NCOA4: variants seen among roughly 807,000 people sequenced by gnomAD.
The protein encoded by NCOA4 is nuclear receptor coactivator 4.
In NCOA4, 31 loss-of-function variants were observed where a neutral mutation model predicts 69.5. The observed-to-expected ratio is 0.45, with a 90% CI of 0.34 to 0.60. The LOEUF (loss-of-function observed/expected upper bound fraction) is 0.60, where lower values mean the gene tolerates loss of function less well. Among genes scored for constraint, NCOA4 ranks in the 20% least tolerant of loss-of-function variants. The pLI is 0.02. For synonymous variants in NCOA4, 228 were observed against 252.4 expected (o/e 0.90, Z 0.92); for missense variants, 600 against 719.2 (o/e 0.83, Z 1.90).
intron 1 of NCOA4, among the ~76,000 whole-genome samples, chr10:46,020,434 G>GT (rs1253663665): frequency 6.6e-6 from 1 of 152,188 alleles, no homozygotes; most frequent in Admixed American, 6.5e-5. Context: ...CCTGCACACC[G>GT]TAAGCCCTCC....
At position 46,006,340 on chromosome 10, in the gene NCOA4, TG is replaced by T. The variant is rs1279965062; in HGVS notation, c.*251del. 1.5e-5 allele frequency: 8 copies of T among 519,612 alleles called. No individual in the cohort carries two copies. The highest frequency in any genetic ancestry group is 8.7e-5 in the East Asian group (3 of 34,652). The allele number at this position is 519,612 out of a possible 1,614,324, so 32.2% of individuals were successfully genotyped here. ...GTCCACAAAGATGCTGCATTTCTAGTGTGGGGTGAATTAAAATACTTCTGTA... is the reference window on the plus strand; with the variant it reads ...GTCCACAAAGATGCTGCATTTCTAGTTGGGGTGAATTAAAATACTTCTGTA... On this transcript the variant is annotated 3_prime_UTR_variant, in exon 10 of 10. Transcript: ENST00000581486.
At chr10:46,014,343 C>T in intron 5 of NCOA4, 101 bp downstream of exon 5, 1 of 852,796 alleles carries the variant, frequency 1.2e-6, no homozygotes, top group South Asian at 1.7e-5. Flanking sequence ...TGAAGCTAAT[C>T]AAATTCTCAA....
intron 5 of NCOA4, 22 bp from the exon 6 acceptor site, chr10:46,013,661 A>G: frequency 1.3e-6 from 2 of 1,553,204 alleles, no homozygotes; most frequent in Non-Finnish European, 1.8e-6. Flanking sequence ...AGATAATTTA[A>G]TCATGTTATT....
At chr10:46,009,266 C>A in intron 9 of NCOA4, 145 bp downstream of exon 9, 1 of 1,482,266 alleles carries the variant, frequency 6.7e-7, no homozygotes, top group Non-Finnish European at 9.3e-7. Flanking sequence ...TTTATGAGCT[C>A]CCCCGTCCCA....
chr10:46,014,138 T>C (rs1354977602), intron 5 of NCOA4, among the ~76,000 whole-genome samples: 1 of 152,132 alleles, frequency 6.6e-6, no homozygotes, highest in Non-Finnish European at 1.5e-5. Flanking sequence ...GCGATCCTCC[T>C]GCCTCAGCCT....
chr10:46,022,361 T>TTA, intron 1 of NCOA4: 1 of 446,000 alleles, frequency 2.2e-6, no homozygotes. Flanking sequence ...TCTGTAAAGC[T>TTA]TTTAGTTTAA....
chr10:46,010,184 T>A lies in NCOA4; in HGVS notation c.1698+39A>T, dbSNP rs1590151960. On this transcript the variant is annotated intron_variant, in intron 8 of 9. Coordinates refer to ENST00000581486, the MANE Select transcript of NCOA4 (RefSeq NM_001145263.2). ...ATCTCAAAATAAATGAATAAATAAATAAAACTCAAACCAGTGCTATTTTGA... is the reference window on the plus strand; with the variant it reads ...ATCTCAAAATAAATGAATAAATAAAAAAAACTCAAACCAGTGCTATTTTGA... 5 of 1,543,360 alleles carry A rather than the reference T, an allele frequency of 3.2e-6. No homozygotes were observed. In the East Asian group the frequency reaches 1.1e-4, roughly 35 times the overall value.
chr10:46,015,892 G>A (rs1298775033), intron 2 of NCOA4, among the ~76,000 whole-genome samples: 1 of 152,198 alleles, frequency 6.6e-6, no homozygotes, highest in Admixed American at 6.5e-5. Context: ...AGCATAAACA[G>A]TGATTCAAAC....
rs1554920363 is a variant in NCOA4, at chr10:46,008,593, A to G, written c.1839+818T>C. The stretch of plus-strand genomic sequence containing the variant: ...AGCAAAGAAAGTGATTTCTTGAGAT[A>G]GAATCTACTCCTGGAGAAGATGCTG... On this transcript the variant is annotated intron_variant, in intron 9 of 9. Transcript: ENST00000581486. Among the ~76,000 whole-genome samples the G allele has an allele frequency of 3.3e-5, 5 of 152,256 alleles. No individual in the cohort carries two copies. In the South Asian group the frequency reaches 1.0e-3, roughly 31 times the overall value.
intron 9 of NCOA4, chr10:46,009,078 T>C (rs1554920433): frequency 8.1e-7 from 1 of 1,240,938 alleles, no homozygotes; most frequent in Non-Finnish European, 1.1e-6. Context: ...GTAGCTCTCT[T>C]TATTGGGATA....
intron 1 of NCOA4, among the ~76,000 whole-genome samples, chr10:46,024,458 A>G (rs1262086199): frequency 6.6e-6 from 1 of 152,212 alleles, no homozygotes; most frequent in Non-Finnish European, 1.5e-5. Flanking sequence ...ATCCTGACCA[A>G]CGCCCCAGCA....
At chr10:46,022,554 G>A (rs781793538) in intron 1 of NCOA4, 9 of 425,198 alleles carry the variant, frequency 2.1e-5, no homozygotes, top group Admixed American at 6.2e-5. Context: ...TCCACCTCCC[G>A]GCTTCATACC....
At chr10:46,016,973 G>A (rs941517748) in intron 1 of NCOA4, among the ~76,000 whole-genome samples, 7 of 152,192 alleles carry the variant, frequency 4.6e-5, no homozygotes, top group Non-Finnish European at 1.0e-4. Flanking sequence ...GAATCAAAGA[G>A]CATACAGTGT....
chr10:46,023,498 CG>C (rs1265798116), intron 1 of NCOA4: 2 of 985,560 alleles, frequency 2.0e-6, no homozygotes. Flanking sequence ...AAGCCAAGGG[CG>C]GGGAGGAGCG....
At chr10:46,007,548 C>G (rs191578158) in intron 9 of NCOA4, among the ~76,000 whole-genome samples, 1 of 147,862 alleles carries the variant, frequency 6.8e-6, no homozygotes, top group African/African-American at 2.5e-5. Context: ...GACAGATGGA[C>G]TCTCTTGTTA....
intron 1 of NCOA4, among the ~76,000 whole-genome samples, chr10:46,029,338 A>T (rs1554926115): frequency 1.3e-5 from 2 of 152,224 alleles, no homozygotes; most frequent in African/African-American, 4.8e-5. Flanking sequence ...TCATTTACTT[A>T]TCTGAACAAA....
intron 1 of NCOA4, chr10:46,023,377 C>G: frequency 7.1e-6 from 7 of 985,688 alleles, no homozygotes; most frequent in Non-Finnish European, 8.4e-6. Context: ...AAGCGACAGG[C>G]TGCTTTACCC....
intron 9 of NCOA4, among the ~76,000 whole-genome samples, chr10:46,007,580 TC>T (rs1246137430): frequency 8.0e-6 from 1 of 125,528 alleles, no homozygotes; most frequent in Non-Finnish European, 1.7e-5. Context: ...AGCCAGTGAC[TC>T]TTTTTTTTTT....
At chr10:46,023,178 A>G (rs1839984355) in intron 1 of NCOA4, among the ~76,000 whole-genome samples, 1 of 152,212 alleles carries the variant, frequency 6.6e-6, no homozygotes, top group Admixed American at 6.5e-5. Context: ...GCCCTTTCCA[A>G]GCGGCCTCAG....
Sources: gnomAD v4.1 joint callset for allele counts (sites outside exome capture counted in the v4.1 genomes callset) on GRCh38, gnomAD v4.1.1 for gene constraint, MANE v1.5 for transcripts, NCBI Gene and HGNC (gene_info 2026-07-23, HGNC 2026-07-21) for gene names.